The following GLI2 variants were observed in gnomAD, a reference collection of about 807,000 sequenced individuals.
GLI2 encodes the protein GLI family zinc finger 2.
A neutral mutation model predicts 78.9 loss-of-function variants in GLI2; 22 were observed. The observed-to-expected ratio is 0.28, with a 90% CI of 0.20 to 0.40. The LOEUF (loss-of-function observed/expected upper bound fraction) is 0.40, where lower values mean the gene tolerates loss of function less well. GLI2 is among the 10% of genes least tolerant of loss of function. The probability of loss-of-function intolerance (pLI) is 1.00; values close to 1 mark genes in which losing one functional copy is unlikely to be tolerated. For missense variants in GLI2, 2,097 were observed against 2,213.2 expected, an observed-to-expected ratio of 0.95 and a Z score of 1.05; for synonymous variants, 974 against 963.7, an observed-to-expected ratio of 1.01 and a Z score of -0.20.
chr2:120,963,583 C>A (rs1681693451), intron 5 of GLI2, among the ~76,000 whole-genome samples: 1 of 151,378 alleles, frequency 6.6e-6, no homozygotes, highest in Admixed American at 6.6e-5. Flanking sequence ...TGTATGTGTC[C>A]ACCTGGGTGT....
chr2:120,827,836 G>A (rs1174455621), intron 2 of GLI2, among the ~76,000 whole-genome samples: 3 of 152,300 alleles, frequency 2.0e-5, no homozygotes, highest in East Asian at 1.9e-4. Context: ...CGTCAGAATC[G>A]TAGAGACAGA....
intron 4 of GLI2, among the ~76,000 whole-genome samples, chr2:120,952,222 G>A (rs532547597): frequency 3.3e-5 from 5 of 152,336 alleles, no homozygotes; most frequent in African/African-American, 1.2e-4. Flanking sequence ...TGAGAGCGCT[G>A]TTAGCCACTC....
Position 120,737,210 on chromosome 2 carries a change from G to A in GLI2, c.-31+925G>A, listed in dbSNP as rs557323853. ...GGGGCGGGGGCGGGGAGCTGGGAGG[G>A]AGCGTGTGCTTGCGTGTGTGAGTGT... On this transcript the variant is annotated intron_variant, in intron 1 of 13. Transcript: ENST00000361492. This position sits in a 1 kb window ranked among gnomAD's most constrained non-coding sequence, Gnocchi z 4.3. 2.0e-5 allele frequency among the ~76,000 whole-genome samples: 3 copies of A among 152,300 alleles called. No individual in the cohort carries two copies. In the East Asian group the frequency reaches 5.8e-4, roughly 30 times the overall value.
intron 3 of GLI2, among the ~76,000 whole-genome samples, chr2:120,950,168 A>C (rs1169671233): frequency 1.3e-5 from 2 of 152,188 alleles, no homozygotes; most frequent in Non-Finnish European, 2.9e-5. Flanking sequence ...CATTCCACAG[A>C]TGAGGAAACT....
chr2:120,969,975 A>C (rs2105017783), intron 6 of GLI2, among the ~76,000 whole-genome samples: 1 of 152,326 alleles, frequency 6.6e-6, no homozygotes, highest in South Asian at 2.1e-4. Flanking sequence ...GAAGAGGAGA[A>C]TAATGCAAGC....
chr2:120,882,227 C>G (rs998487410), intron 2 of GLI2, among the ~76,000 whole-genome samples: 3 of 152,036 alleles, frequency 2.0e-5, no homozygotes, highest in African/African-American at 7.3e-5. Context: ...TTCCAGGAGG[C>G]CAGGTGACAT....
At chr2:120,926,221 T>G (rs76558151) in intron 2 of GLI2, among the ~76,000 whole-genome samples, 2,197 of 152,062 alleles carry the variant, frequency 0.014, 45 homozygotes, top group African/African-American at 0.046. Flanking sequence ...TTTTTCTATA[T>G]TTTTTTGTTT....
chr2:120,816,538 C>T (rs1369425258), intron 2 of GLI2, among the ~76,000 whole-genome samples: 4 of 151,866 alleles, frequency 2.6e-5, no homozygotes, highest in Non-Finnish European at 5.9e-5. Context: ...TGATATTTAC[C>T]TTGTTTGAAA....
intron 1 of GLI2, among the ~76,000 whole-genome samples, chr2:120,787,053 G>T (rs1009809025): frequency 1.3e-5 from 2 of 152,230 alleles, no homozygotes; most frequent in Non-Finnish European, 2.9e-5. Flanking sequence ...TAAACATGTA[G>T]TTAAAACACA....
intron 1 of GLI2, among the ~76,000 whole-genome samples, chr2:120,743,384 G>T (rs1373013597): frequency 6.6e-6 from 1 of 152,114 alleles, no homozygotes; most frequent in Non-Finnish European, 1.5e-5. Context: ...TGGGAGGATT[G>T]CTGGAGTTCA....
At chr2:120,830,555 G>C (rs1268711633) in intron 2 of GLI2, among the ~76,000 whole-genome samples, 1 of 152,256 alleles carries the variant, frequency 6.6e-6, no homozygotes, top group Non-Finnish European at 1.5e-5. Flanking sequence ...AGCACATGCT[G>C]GTAATGTGTT....
At chr2:120,850,522 C>T (rs925365394) in intron 2 of GLI2, among the ~76,000 whole-genome samples, 3 of 152,194 alleles carry the variant, frequency 2.0e-5, no homozygotes, top group African/African-American at 7.2e-5. Context: ...AAAGCATTTA[C>T]CTTCTGTATA....
chr2:120,865,134 C>T (rs1413539789), intron 2 of GLI2, among the ~76,000 whole-genome samples: 3 of 152,148 alleles, frequency 2.0e-5, no homozygotes, highest in South Asian at 2.1e-4. Context: ...CTGGGGAGCC[C>T]GAGCCAGGAG....
At chr2:120,867,424 G>A (rs1251974776) in intron 2 of GLI2, 1 of 152,292 alleles carries the variant, frequency 6.6e-6, no homozygotes, top group Non-Finnish European at 1.5e-5. Context: ...GCCGCCGCCG[G>A]TTATAAATGA....
intron 2 of GLI2, among the ~76,000 whole-genome samples, chr2:120,798,073 T>A (rs950144983): frequency 6.6e-6 from 1 of 152,152 alleles, no homozygotes; most frequent in Non-Finnish European, 1.5e-5. Flanking sequence ...AGGCGAGACC[T>A]CCGCTGTGTC....
chr2:120,937,786 G>T (rs1033640403), intron 3 of GLI2, among the ~76,000 whole-genome samples: 2 of 152,238 alleles, frequency 1.3e-5, no homozygotes, highest in Admixed American at 6.5e-5. Context: ...GGATTCTCCA[G>T]CTAGTTTTGA....
intron 2 of GLI2, among the ~76,000 whole-genome samples, chr2:120,867,652 C>G (rs1688210109): frequency 6.6e-6 from 1 of 152,216 alleles, no homozygotes; most frequent in African/African-American, 2.4e-5. Flanking sequence ...GAAAGGAGTG[C>G]TGATGAGGCC....
At position 120,968,703 on chromosome 2, in the gene GLI2, C is replaced by T. The variant is rs2105013326; in HGVS notation, c.644-11C>T. 6.2e-7 allele frequency: 1 copy of T among 1,605,318 alleles called. No individual in the cohort carries two copies. ...GTGATGCTGACCTGTCTTGTGTTGA[C>T]TATCCCACAGTGTCCCGTTTCTCCA... On this transcript the variant is annotated splice_polypyrimidine_tract_variant and intron_variant, in intron 5 of 13. Transcript: ENST00000361492.
chr2:120,902,185 A>ACCCCCC (rs11358856), intron 2 of GLI2, among the ~76,000 whole-genome samples: 149 of 116,074 alleles, frequency 1.3e-3, no homozygotes, highest in South Asian at 2.4e-3. Flanking sequence ...ATTGACACCC[A>ACCCCCC]CCCCCCCCCA....
Sources: gnomAD v4.1 joint callset for allele counts (sites outside exome capture counted in the v4.1 genomes callset) on GRCh38, gnomAD v4.1.1 for gene constraint, Gnocchi (gnomAD v3.1) non-coding constraint, MANE v1.5 for transcripts, NCBI Gene and HGNC (gene_info 2026-07-23, HGNC 2026-07-21) for gene names.